ZNF571: variants seen among roughly 807,000 people sequenced by gnomAD.
ZNF571 encodes the protein zinc finger protein 571.
In ZNF571, 4 loss-of-function variants were observed where a neutral mutation model predicts 7.7. The observed-to-expected ratio is 0.52, with a 90% confidence interval of 0.25 to 1.18. ZNF571 has a LOEUF of 1.18. Ranked by LOEUF, ZNF571 falls within the 50% of genes most tolerant of loss-of-function variation. The pLI is 0.14. For synonymous variants in ZNF571, 251 were observed against 232.4 expected, an observed-to-expected ratio of 1.08 and a Z score of -0.73; for missense variants, 704 against 726.9, an observed-to-expected ratio of 0.97 and a Z score of 0.36.
intron 3 of ZNF571, among the ~76,000 whole-genome samples, chr19:37,573,201 GGAT>G (rs1435805136): frequency 6.6e-6 from 1 of 151,744 alleles, no homozygotes; most frequent in African/African-American, 2.4e-5. Flanking sequence ...TTTACTTAAT[GGAT>G]GATAACACAG....
intron 3 of ZNF571, among the ~76,000 whole-genome samples, chr19:37,577,140 A>C (rs1462463354): frequency 2.0e-5 from 3 of 152,242 alleles, no homozygotes; most frequent in African/African-American, 7.2e-5. Context: ...GGAAAATTTC[A>C]TAGTAAATTA....
chr19:37,593,337 A>C (rs116627092), intron 1 of ZNF571, among the ~76,000 whole-genome samples: 1 of 152,182 alleles, frequency 6.6e-6, no homozygotes, highest in Non-Finnish European at 1.5e-5. Context: ...GCCTGCTTGA[A>C]AACATCCACA....
chr19:37,572,644 T>G (rs1256920568), intron 3 of ZNF571, among the ~76,000 whole-genome samples: 1 of 152,212 alleles, frequency 6.6e-6, no homozygotes, highest in Non-Finnish European at 1.5e-5. Flanking sequence ...TAAGAAAGTA[T>G]GCAAGAACTG....
chr19:37,586,256 C>T (rs896931237), intron 2 of ZNF571: 1 of 160,298 alleles, frequency 6.2e-6, no homozygotes, highest in African/African-American at 2.4e-5. Context: ...AGACTAGGAA[C>T]ATCCAACAAA....
At position 37,569,318 on chromosome 19, in the gene ZNF571, C is replaced by T. The variant is rs2042977815; in HGVS notation, c.137-3027G>A. ...GTTATGAGACCCTTTGTTCTAATCT[C>T]CATCTGGCAGATAGAATGGAATAGT... On this transcript the variant is annotated intron_variant, in intron 3 of 3. Coordinates refer to ENST00000451802, the MANE Select transcript of ZNF571 (RefSeq NM_016536.5). This position sits in a 1 kb window ranked among gnomAD's most constrained non-coding sequence, Gnocchi z 4.4. Among the ~76,000 whole-genome samples the T allele has an allele frequency of 6.6e-6, 1 of 152,120 alleles. No homozygotes were observed. Among genetic ancestry groups the T allele is most frequent in the Non-Finnish European group, 1.5e-5 (1 of 68,028 alleles).
At chr19:37,584,229 T>A in intron 2 of ZNF571, 132 bp from the exon 3 acceptor site, 2 of 1,199,446 alleles carry the variant, frequency 1.7e-6, no homozygotes, top group Non-Finnish European at 2.4e-6. Flanking sequence ...TAAACAGTAG[T>A]ATTAACCTGA....
intron 1 of ZNF571, among the ~76,000 whole-genome samples, chr19:37,589,923 A>G (rs1259879959): frequency 6.6e-6 from 1 of 151,330 alleles, no homozygotes; most frequent in Non-Finnish European, 1.5e-5. Flanking sequence ...AACATCAAAC[A>G]CATACAAACT....
At chr19:37,588,533 C>T (rs2043760972) in intron 1 of ZNF571, among the ~76,000 whole-genome samples, 1 of 152,200 alleles carries the variant, frequency 6.6e-6, no homozygotes, top group South Asian at 2.1e-4. Context: ...AAGATGAGAA[C>T]ATGGACACTG....
intron 2 of ZNF571, among the ~76,000 whole-genome samples, chr19:37,584,790 G>A (rs906634137): frequency 1.1e-4 from 17 of 151,878 alleles, no homozygotes; most frequent in Non-Finnish European, 2.1e-4. Flanking sequence ...GTGAAACCCC[G>A]TCTCTACTAA....
Position 37,565,368 on chromosome 19 carries a change from G to T in ZNF571, c.1060C>A (p.Gln354Lys), listed in dbSNP as rs762937113. 1.1e-5 allele frequency: 17 copies of T among 1,613,598 alleles called. 1 individual carries two copies. In the South Asian group the frequency reaches 1.9e-4, roughly 18 times the overall value. Residue 354 changes from glutamine to lysine, a missense_variant, in exon 4 of 4, where the codon CAG (glutamine) becomes AAG (lysine). Transcript: ENST00000451802. ...GGTTTCTCTCCTGTATGAATTCTCT[G>T]ATGTTCATTCAGTTGGGAGGCACAT... ...FLCASQLNEH[Q>K]RIHTGEKPYE...
At chr19:37,585,618 G>C (rs1186348483) in intron 2 of ZNF571, 1 of 152,164 alleles carries the variant, frequency 6.6e-6, no homozygotes, top group East Asian at 1.9e-4. Flanking sequence ...TTGAACACTA[G>C]TTCACTGCCT....
chr19:37,574,426 ATTTT>A (rs899396780), intron 3 of ZNF571, among the ~76,000 whole-genome samples: 2 of 152,110 alleles, frequency 1.3e-5, no homozygotes, highest in Non-Finnish European at 2.9e-5. Flanking sequence ...TTTTCACTAA[ATTTT>A]TTTATCTCCA....
At chr19:37,583,023 T>C (rs550421043) in intron 3 of ZNF571, among the ~76,000 whole-genome samples, 2 of 152,316 alleles carry the variant, frequency 1.3e-5, no homozygotes, top group East Asian at 3.9e-4. Flanking sequence ...CCTCTGCCTA[T>C]TTCTCTAACC....
At chr19:37,568,961 T>C (rs1600470746) in intron 3 of ZNF571, among the ~76,000 whole-genome samples, 1 of 151,590 alleles carries the variant, frequency 6.6e-6, no homozygotes, top group East Asian at 1.9e-4. Flanking sequence ...GCCCAAGGCA[T>C]CTTTTTTTTT....
chr19:37,584,738 G>A (rs536437063), intron 2 of ZNF571, among the ~76,000 whole-genome samples: 192 of 152,072 alleles, frequency 1.3e-3, no homozygotes, highest in African/African-American at 4.3e-3. Context: ...CGAGGCGGGC[G>A]GATCACGAGG....
At chr19:37,571,731 G>A (rs959104034) in intron 3 of ZNF571, among the ~76,000 whole-genome samples, 14 of 152,166 alleles carry the variant, frequency 9.2e-5, no homozygotes, top group African/African-American at 3.4e-4. Context: ...AGGAGCATCT[G>A]TACTACTAGC....
chr19:37,573,135 C>CTT (rs138972594), intron 3 of ZNF571, among the ~76,000 whole-genome samples: 180 of 150,372 alleles, frequency 1.2e-3, no homozygotes, highest in South Asian at 1.0e-3. Context: ...TCTTCCAACT[C>CTT]TTTTTTTTTT....
intron 3 of ZNF571, among the ~76,000 whole-genome samples, chr19:37,572,184 A>G (rs2043083973): frequency 6.7e-6 from 1 of 150,198 alleles, no homozygotes; most frequent in Non-Finnish European, 1.5e-5. Flanking sequence ...GGACCCATAC[A>G]CTGTAAACAT....
chr19:37,592,258 TAAAG>T (rs901467170), intron 1 of ZNF571, among the ~76,000 whole-genome samples: 12 of 151,998 alleles, frequency 7.9e-5, no homozygotes, highest in African/African-American at 2.7e-4. Context: ...GAAAAAAAAA[TAAAG>T]AATGGATCTT....
Sources: gnomAD v4.1 joint callset for allele counts (sites outside exome capture counted in the v4.1 genomes callset) on GRCh38, gnomAD v4.1.1 for gene constraint, Gnocchi (gnomAD v3.1) non-coding constraint, MANE v1.5 for transcripts, NCBI Gene and HGNC (gene_info 2026-07-23, HGNC 2026-07-21) for gene names.